DLEU7: variants seen among roughly 807,000 people sequenced by gnomAD.
DLEU7 encodes the protein leukemia-associated protein 7.
In DLEU7, 17 loss-of-function variants were observed where a neutral mutation model predicts 16.0. That is an observed-to-expected ratio of 1.06 (90% CI 0.73 to 1.59). DLEU7 has a LOEUF of 1.59. DLEU7 is among the 40% of genes most tolerant of loss of function. DLEU7 has a pLI of 0.00. For synonymous variants in DLEU7, 113 were observed against 139.8 expected (o/e 0.81, Z 1.35); for missense variants, 308 against 314.9 (o/e 0.98, Z 0.17).
At chr13:50,843,916 G>A (rs1051563816), upstream of DLEU7, 2 of 456,742 alleles carry the variant, frequency 4.4e-6, no homozygotes, top group African/African-American at 4.2e-5. The surrounding 1 kb of genome is among the most constrained non-coding windows in gnomAD (Gnocchi z 5.7). Flanking sequence ...GAAATGCTGA[G>A]CGTTGCTTCT....
rs188572447 is a variant in DLEU7, at chr13:50,837,411, T to C, written c.459+5777A>G. Among the ~76,000 whole-genome samples, 102 of 152,362 alleles carry C rather than the reference T, an allele frequency of 6.7e-4. 1 individual carries two copies. Among genetic ancestry groups the C allele is most frequent in the African/African-American group, 2.2e-3 (91 of 41,586 alleles). On this transcript the variant is annotated intron_variant, in intron 1 of 1. Coordinates refer to ENST00000504404, the MANE Select transcript of DLEU7 (RefSeq NM_001306135.2). ...TCCCTAAATGTTCATTTCAGAAAGC[T>C]TTTATGTCCTGATTTTCATATCATT...
chr13:50,831,767 C>T (rs1218218512), intron 1 of DLEU7, among the ~76,000 whole-genome samples: 4 of 152,086 alleles, frequency 2.6e-5, no homozygotes, highest in Non-Finnish European at 4.4e-5. Flanking sequence ...GGGGAGAGTA[C>T]GTGATGTAGC....
chr13:50,806,364 T>C (rs1331277189), intron 1 of DLEU7, among the ~76,000 whole-genome samples: 1 of 147,782 alleles, frequency 6.8e-6, no homozygotes, highest in Non-Finnish European at 1.5e-5. Flanking sequence ...ATAGAGATCT[T>C]AGCATACTAA....
chr13:50,843,752 C>G (rs998770473), upstream of DLEU7: 1 of 1,418,052 alleles, frequency 7.1e-7, no homozygotes, highest in Non-Finnish European at 9.2e-7. This position sits in a 1 kb window ranked among gnomAD's most constrained non-coding sequence, Gnocchi z 5.7. Context: ...CGCGGCTCCT[C>G]GGCCTCTGGG....
At chr13:50,812,533 A>G (rs1017332055) in intron 1 of DLEU7, among the ~76,000 whole-genome samples, 1 of 152,140 alleles carries the variant, frequency 6.6e-6, no homozygotes, top group Non-Finnish European at 1.5e-5. Context: ...TTTACTCAAA[A>G]CTAAGCCCAA....
chr13:50,781,309 G>A (rs1194406700), intron 1 of DLEU7, among the ~76,000 whole-genome samples: 2 of 152,174 alleles, frequency 1.3e-5, no homozygotes, highest in Non-Finnish European at 2.9e-5. Context: ...CACAAAAATA[G>A]CGAAGCACAT....
intron 1 of DLEU7, among the ~76,000 whole-genome samples, chr13:50,747,040 G>A (rs535338048): frequency 2.5e-3 from 381 of 152,188 alleles, no homozygotes; most frequent in Non-Finnish European, 3.8e-3. Flanking sequence ...ATAAATTTTC[G>A]TGCAATATAA....
intron 1 of DLEU7, among the ~76,000 whole-genome samples, chr13:50,790,649 T>C (rs1359251936): frequency 6.6e-6 from 1 of 151,898 alleles, no homozygotes; most frequent in African/African-American, 2.4e-5. Flanking sequence ...GTCTGTGGGA[T>C]GCGAGGGGTG....
chr13:50,711,772 C>CCGGTGGGG, downstream of DLEU7: 399 of 73,012 alleles, frequency 5.5e-3, 38 homozygotes, highest in African/African-American at 0.014. Flanking sequence ...GACCCAGTGG[C>CCGGTGGGG]GGGGGCGGGG....
intron 1 of DLEU7, among the ~76,000 whole-genome samples, chr13:50,773,044 C>A (rs1875371624): frequency 6.6e-6 from 1 of 152,138 alleles, no homozygotes; most frequent in Admixed American, 6.5e-5. Context: ...ACCCTTTCTT[C>A]CACTTGATCG....
At position 50,755,635 on chromosome 13, in the gene DLEU7, T is replaced by A. The variant is rs1282424874; in HGVS notation, c.460-42395A>T. Reference sequence around the variant, plus strand: ...AGATGTCCTTGCATTGGGCTTCGCCTTTCTCTGGTGCCTCCCCAATTAGCT... The same window carrying A: ...AGATGTCCTTGCATTGGGCTTCGCCATTCTCTGGTGCCTCCCCAATTAGCT... On this transcript the variant is annotated intron_variant, in intron 1 of 1. Coordinates refer to the DLEU7 transcript ENST00000400393. Among the ~76,000 whole-genome samples, 101 of 152,334 alleles carry A rather than the reference T, an allele frequency of 6.6e-4. 1 individual carries two copies. The highest frequency in any genetic ancestry group is 2.4e-3 in the African/African-American group (98 of 41,568).
chr13:50,804,336 C>T (rs941281553), intron 1 of DLEU7, among the ~76,000 whole-genome samples: 1 of 151,582 alleles, frequency 6.6e-6, no homozygotes, highest in African/African-American at 2.4e-5. Context: ...GTTTCCCTCA[C>T]CAAGAATATA....
At chr13:50,758,112 C>T (rs1406290202) in intron 1 of DLEU7, among the ~76,000 whole-genome samples, 2 of 149,796 alleles carry the variant, frequency 1.3e-5, no homozygotes, top group African/African-American at 4.9e-5. Context: ...AGCAATCCTC[C>T]CACCTCAGCC....
chr13:50,796,933 A>C (rs1409871106), intron 1 of DLEU7, among the ~76,000 whole-genome samples: 1 of 152,166 alleles, frequency 6.6e-6, no homozygotes, highest in Non-Finnish European at 1.5e-5. Flanking sequence ...GTGTTAAGCC[A>C]CTACAAATGT....
At chr13:50,838,422 C>G (rs1877541184) in intron 1 of DLEU7, among the ~76,000 whole-genome samples, 1 of 152,222 alleles carries the variant, frequency 6.6e-6, no homozygotes, top group Non-Finnish European at 1.5e-5. Context: ...ATAGACAAAA[C>G]TCAATCAGAG....
chr13:50,764,798 A>G (rs954251802), intron 1 of DLEU7, among the ~76,000 whole-genome samples: 6 of 152,212 alleles, frequency 3.9e-5, no homozygotes, highest in Admixed American at 6.5e-5. Flanking sequence ...AATTATCCAT[A>G]AAGTTAGAGT....
At chr13:50,738,080 T>C (rs1032665494) in intron 1 of DLEU7, among the ~76,000 whole-genome samples, 1 of 152,164 alleles carries the variant, frequency 6.6e-6, no homozygotes, top group African/African-American at 2.4e-5. Flanking sequence ...CAACATTCCC[T>C]TAAGCCAAAG....
At chr13:50,780,652 C>T (rs1875624640) in intron 1 of DLEU7, among the ~76,000 whole-genome samples, 1 of 152,144 alleles carries the variant, frequency 6.6e-6, no homozygotes, top group African/African-American at 2.4e-5. Context: ...TACATAGTTG[C>T]TGAAGTGAAA....
chr13:50,753,498 G>A (rs536143430), intron 1 of DLEU7, among the ~76,000 whole-genome samples: 2 of 152,358 alleles, frequency 1.3e-5, no homozygotes, highest in East Asian at 3.9e-4. Flanking sequence ...CACAGCACTG[G>A]TGGGCCGGCT....
Sources: allele counts gnomAD v4.1 joint callset (sites outside exome capture counted in the v4.1 genomes callset), GRCh38; gene constraint gnomAD v4.1.1; non-coding constraint Gnocchi (gnomAD v3.1); transcripts MANE v1.5; gene names NCBI Gene and HGNC (gene_info 2026-07-23, HGNC 2026-07-21).